Variants in ELMO1 observed in about 807,000 individuals in gnomAD.
ELMO1 encodes the protein engulfment and cell motility 1, also known as engulfment and cell motility protein 1.
In ELMO1, 26 loss-of-function variants were observed where a neutral mutation model predicts 98.9. That is an observed-to-expected ratio of 0.26 (90% CI 0.19 to 0.36). ELMO1 has a LOEUF of 0.36. ELMO1 is among the 10% of genes least tolerant of loss of function. ELMO1 has a pLI of 1.00. For missense variants in ELMO1, 627 were observed against 935.2 expected, an observed-to-expected ratio of 0.67 and a Z score of 4.30; for synonymous variants, 346 against 346.0, an observed-to-expected ratio of 1.00 and a Z score of 0.00.
chr7:36,894,012 T>A (rs1805775883), intron 17 of ELMO1, among the ~76,000 whole-genome samples: 1 of 152,104 alleles, frequency 6.6e-6, no homozygotes, highest in South Asian at 2.1e-4. Context: ...ATGCAAAAGC[T>A]CAGAAGAAGC....
At chr7:36,985,317 T>G (rs1791420939) in intron 16 of ELMO1, among the ~76,000 whole-genome samples, 2 of 152,088 alleles carry the variant, frequency 1.3e-5, no homozygotes, top group South Asian at 4.2e-4. Flanking sequence ...TGCACTTCAC[T>G]TTATCTTTGC....
chr7:37,167,931 T>C (rs1174336371), intron 13 of ELMO1, among the ~76,000 whole-genome samples: 3 of 152,152 alleles, frequency 2.0e-5, no homozygotes, highest in Admixed American at 6.5e-5. Flanking sequence ...TCCTGTAGAG[T>C]GTTTTCCAAC....
At chr7:36,933,698 G>C (rs1299124765) in intron 16 of ELMO1, among the ~76,000 whole-genome samples, 1 of 152,184 alleles carries the variant, frequency 6.6e-6, no homozygotes, top group Non-Finnish European at 1.5e-5. Context: ...GGGAGTTTTG[G>C]GGAATCTGGC....
In ELMO1 at chr7:37,135,557, T is replaced by C. The variant is rs73337719; in HGVS notation, c.1087-2323A>G. Among the ~76,000 whole-genome samples, 1,217 of 152,304 alleles carry C rather than the reference T, an allele frequency of 8.0e-3. 14 individuals carry two copies. The highest frequency in any genetic ancestry group is 0.028 in the African/African-American group (1,164 of 41,566). On this transcript the variant is annotated intron_variant, in intron 13 of 21. Transcript: ENST00000310758. ...GAAGACCGATCATATCACAGGACTC[T>C]GCAGACACTTGCCAGTACCAGCATG...
At chr7:37,124,565 A>T (rs1786355546) in intron 14 of ELMO1, among the ~76,000 whole-genome samples, 2 of 152,248 alleles carry the variant, frequency 1.3e-5, no homozygotes, top group Admixed American at 1.3e-4. Flanking sequence ...ATACCTAAGA[A>T]TCCAACTTAC....
At chr7:37,056,089 C>A (rs572370299) in intron 15 of ELMO1, among the ~76,000 whole-genome samples, 1 of 152,306 alleles carries the variant, frequency 6.6e-6, no homozygotes, top group East Asian at 1.9e-4. Context: ...CAGCTTTCCT[C>A]AATAATATTT....
chr7:37,050,651 C>CAT (rs1796054621), intron 15 of ELMO1, among the ~76,000 whole-genome samples: 1 of 142,648 alleles, frequency 7.0e-6, no homozygotes. Context: ...CACACACACA[C>CAT]ACACACACAA....
chr7:37,132,936 AT>A (rs1164648213), intron 14 of ELMO1, 193 bp downstream of exon 14: 1 of 392,124 alleles, frequency 2.6e-6, no homozygotes, highest in African/African-American at 2.1e-5. Context: ...AAATAAAAAA[AT>A]TAAAAGTTAA....
At chr7:36,974,126 C>T (rs1022202291) in intron 16 of ELMO1, among the ~76,000 whole-genome samples, 6 of 152,256 alleles carry the variant, frequency 3.9e-5, no homozygotes, top group South Asian at 2.1e-4. Flanking sequence ...GGAGTGTGGG[C>T]GCACAGCGCA....
chr7:37,243,288 A>C (rs1286732349), intron 7 of ELMO1, among the ~76,000 whole-genome samples: 1 of 152,172 alleles, frequency 6.6e-6, no homozygotes, highest in African/African-American at 2.4e-5. Flanking sequence ...ATGGGGAGAA[A>C]GTAAGTTTGA....
chr7:37,218,953 A>C (rs2130501996), intron 10 of ELMO1, among the ~76,000 whole-genome samples: 1 of 152,350 alleles, frequency 6.6e-6, no homozygotes, highest in Admixed American at 6.5e-5. Flanking sequence ...ATTTGTAGAG[A>C]AATTTGGAAG....
At chr7:36,862,124 C>G (rs1037467680) in intron 20 of ELMO1, 1 of 215,262 alleles carries the variant, frequency 4.6e-6, no homozygotes, top group Non-Finnish European at 9.5e-6. Context: ...AACAAACAAA[C>G]AAACAAACAA....
intron 16 of ELMO1, among the ~76,000 whole-genome samples, chr7:36,980,364 C>T (rs1389846219): frequency 6.6e-6 from 1 of 152,164 alleles, no homozygotes; most frequent in Non-Finnish European, 1.5e-5. Context: ...TCTGGATACA[C>T]CTGGAAAGAC....
intron 14 of ELMO1, among the ~76,000 whole-genome samples, chr7:37,103,579 T>A (rs1784763219): frequency 6.6e-6 from 1 of 151,476 alleles, no homozygotes. Flanking sequence ...TATCTAATGT[T>A]AAATGACGAG....
chr7:36,872,914 T>C (rs1010831150), intron 19 of ELMO1, among the ~76,000 whole-genome samples: 2 of 152,180 alleles, frequency 1.3e-5, no homozygotes, highest in Non-Finnish European at 2.9e-5. Context: ...CAAGCTACAA[T>C]TGGTAAGTTA....
chr7:37,431,336 C>G (rs1433748593), intron 1 of ELMO1, among the ~76,000 whole-genome samples: 1 of 55,784 alleles, frequency 1.8e-5, no homozygotes, highest in African/African-American at 5.5e-5. Context: ...GACCCTGTCT[C>G]TAAAATAAAA....
At chr7:37,409,823 G>A (rs1191387627) in intron 1 of ELMO1, among the ~76,000 whole-genome samples, 1 of 152,172 alleles carries the variant, frequency 6.6e-6, no homozygotes, top group Admixed American at 6.5e-5. Flanking sequence ...TCAAATGGAA[G>A]GAACATAAAC....
intron 1 of ELMO1, among the ~76,000 whole-genome samples, chr7:37,433,662 C>T (rs1805025177): frequency 6.6e-6 from 1 of 152,178 alleles, no homozygotes; most frequent in South Asian, 2.1e-4. Context: ...TTATCCCTCA[C>T]TGCTGGCTTC....
intron 15 of ELMO1, among the ~76,000 whole-genome samples, chr7:37,059,626 A>G (rs527677033): frequency 2.6e-5 from 4 of 152,170 alleles, no homozygotes; most frequent in Non-Finnish European, 5.9e-5. Context: ...TCAGACTTTA[A>G]TGGCCACTTA....
Sources: allele counts gnomAD v4.1 joint callset (sites outside exome capture counted in the v4.1 genomes callset), GRCh38; gene constraint gnomAD v4.1.1; transcripts MANE v1.5; gene names NCBI Gene and HGNC (gene_info 2026-07-23, HGNC 2026-07-21).